The following SCMH1 variants were observed in gnomAD, a reference collection of about 807,000 sequenced individuals.
SCMH1 encodes the protein Scm polycomb group protein homolog 1, also known as polycomb protein SCMH1.
SCMH1 carries 37 observed loss-of-function variants against 70.8 expected under a neutral mutation model. The observed-to-expected ratio is 0.52, with a 90% CI of 0.40 to 0.69. The LOEUF (loss-of-function observed/expected upper bound fraction) is 0.69. Ranked by LOEUF, SCMH1 falls within the 30% of genes least tolerant of loss-of-function variation. The pLI is 0.00. For synonymous variants in SCMH1, 292 were observed against 307.4 expected (o/e 0.95, Z 0.52); for missense variants, 607 against 827.3 (o/e 0.73, Z 3.27).
At chr1:41,063,663 A>G (rs1459327238) in intron 10 of SCMH1, among the ~76,000 whole-genome samples, 1 of 152,190 alleles carries the variant, frequency 6.6e-6, no homozygotes, top group Non-Finnish European at 1.5e-5. Flanking sequence ...TACAGATCCT[A>G]TTGTCATTAA....
chr1:41,205,169 T>C (rs1655221465), intron 1 of SCMH1, among the ~76,000 whole-genome samples: 2 of 152,200 alleles, frequency 1.3e-5, no homozygotes, highest in Admixed American at 6.5e-5. Context: ...CTGAGGTATC[T>C]GGTTCATCTC....
intron 1 of SCMH1, among the ~76,000 whole-genome samples, chr1:41,208,183 A>C (rs1656032650): frequency 9.0e-6 from 1 of 111,274 alleles, no homozygotes; most frequent in Non-Finnish European, 1.8e-5. Flanking sequence ...AGAACAAAAA[A>C]CCAAACACCG....
At chr1:41,238,650 C>T (rs2148947934) in intron 1 of SCMH1, among the ~76,000 whole-genome samples, 1 of 152,290 alleles carries the variant, frequency 6.6e-6, no homozygotes, top group East Asian at 1.9e-4. Context: ...ATTCAATACA[C>T]TAGCCTCCAA....
At chr1:41,120,459 G>A (rs193055882) in intron 6 of SCMH1, among the ~76,000 whole-genome samples, 20 of 152,160 alleles carry the variant, frequency 1.3e-4, no homozygotes, top group Middle Eastern at 3.4e-3. Flanking sequence ...AGTAAATGCC[G>A]GAGACAGATT....
intron 4 of SCMH1, chr1:41,152,557 T>A: frequency 6.2e-7 from 1 of 1,604,450 alleles, no homozygotes; most frequent in Non-Finnish European, 8.5e-7. Context: ...AAGTTCTTTA[T>A]TTAAAGGTTA....
chr1:41,041,313 T>C (rs1282347096), intron 12 of SCMH1: 1 of 152,154 alleles, frequency 6.6e-6, no homozygotes, highest in African/African-American at 2.4e-5. Context: ...TTACTTACCA[T>C]ATGACAGTTA....
chr1:41,034,235 C>T (rs1365336792), intron 13 of SCMH1, among the ~76,000 whole-genome samples, 187 bp from the exon 14 acceptor site: 3 of 72,480 alleles, frequency 4.1e-5, no homozygotes, highest in Admixed American at 3.8e-4. Flanking sequence ...CTGCCCTGCT[C>T]GGGTTGGGGT....
intron 6 of SCMH1, among the ~76,000 whole-genome samples, chr1:41,125,263 T>G (rs1468091581): frequency 6.6e-6 from 1 of 152,040 alleles, no homozygotes; most frequent in Non-Finnish European, 1.5e-5. Context: ...TCCCCCAGGC[T>G]GAAATTCAGT....
chr1:41,200,812 A>G (rs1219605686), intron 1 of SCMH1, among the ~76,000 whole-genome samples: 2 of 152,196 alleles, frequency 1.3e-5, no homozygotes, highest in African/African-American at 4.8e-5. Context: ...ATTTGAATGC[A>G]TGTCATCATC....
chr1:41,056,944 G>A (rs1345607533), intron 10 of SCMH1, among the ~76,000 whole-genome samples: 1 of 152,196 alleles, frequency 6.6e-6, no homozygotes, highest in Non-Finnish European at 1.5e-5. Flanking sequence ...TTCTCAACAA[G>A]GTCTTCCCTC....
chr1:41,151,670 C>T, exon 5 of SCMH1: 1 of 1,611,248 alleles, frequency 6.2e-7, no homozygotes, highest in Non-Finnish European at 8.5e-7. Context: ...AGGTATTTGT[C>T]CCAGGTAAAA....
intron 5 of SCMH1, among the ~76,000 whole-genome samples, chr1:41,146,308 ATTAAGT>A (rs1416082128): frequency 2.0e-5 from 3 of 152,198 alleles, no homozygotes; most frequent in African/African-American, 7.2e-5. Flanking sequence ...AAGTTAAAAA[ATTAAGT>A]TTATAAAGCG....
At chr1:41,085,730 A>G (rs1373943490) in intron 8 of SCMH1, among the ~76,000 whole-genome samples, 2 of 152,212 alleles carry the variant, frequency 1.3e-5, no homozygotes, top group Non-Finnish European at 1.5e-5. Flanking sequence ...CACAGTAGAA[A>G]AAGAATGTAA....
rs868125785 is a variant in SCMH1, at chr1:41,083,658, G to A, written c.746-8207C>T. ...TTCATATGGAACCAAAAAAGAGCCC[G>A]CATCGCCAAGTCAATCCTAAGCCAA... On this transcript the variant is annotated intron_variant, in intron 8 of 14. Coordinates refer to ENST00000337495, the Ensembl canonical transcript of SCMH1. Among the ~76,000 whole-genome samples the A allele has an allele frequency of 5.9e-5, 9 of 152,164 alleles. No homozygotes were observed. The South Asian group carries it at 6.2e-4, about 11-fold the overall frequency.
chr1:41,045,404 G>A (rs566939663), intron 12 of SCMH1, among the ~76,000 whole-genome samples: 11 of 152,102 alleles, frequency 7.2e-5, no homozygotes, highest in Admixed American at 7.2e-4. Context: ...GGGTACAGAA[G>A]TATCTATGAG....
chr1:41,146,809 C>G (rs1291957053), intron 5 of SCMH1, among the ~76,000 whole-genome samples: 1 of 152,142 alleles, frequency 6.6e-6, no homozygotes, highest in Admixed American at 6.5e-5. Flanking sequence ...AAACTATTCT[C>G]TCATAGTCTG....
chr1:41,066,807 C>T (rs1362979048), intron 10 of SCMH1, among the ~76,000 whole-genome samples: 1 of 152,030 alleles, frequency 6.6e-6, no homozygotes, highest in African/African-American at 2.4e-5. Flanking sequence ...CCAGGCTGGT[C>T]TTGAACTCCT....
At chr1:41,139,510 A>C (rs1182005306) in intron 6 of SCMH1, among the ~76,000 whole-genome samples, 1 of 152,192 alleles carries the variant, frequency 6.6e-6, no homozygotes, top group Non-Finnish European at 1.5e-5. Context: ...TATTTGATTT[A>C]CATGGTCACT....
chr1:41,186,570 G>T (rs2148640632), intron 1 of SCMH1, among the ~76,000 whole-genome samples: 1 of 152,264 alleles, frequency 6.6e-6, no homozygotes, highest in Non-Finnish European at 1.5e-5. Flanking sequence ...CATTAACATG[G>T]TGTTATGGGC....
Sources: allele counts gnomAD v4.1 joint callset (sites outside exome capture counted in the v4.1 genomes callset), GRCh38; gene constraint gnomAD v4.1.1; transcripts MANE v1.5; gene names NCBI Gene and HGNC (gene_info 2026-07-23, HGNC 2026-07-21).